RPH3A: variants seen among roughly 807,000 people sequenced by gnomAD.
The protein encoded by RPH3A is rabphilin-3A.
In RPH3A, 48 loss-of-function variants were observed where a neutral mutation model predicts 102.2. That is an observed-to-expected ratio of 0.47 (90% CI 0.37 to 0.60). The LOEUF is 0.60. RPH3A is among the 20% of genes least tolerant of loss of function. The probability of loss-of-function intolerance (pLI) is 0.00; values close to 1 mark genes in which losing one functional copy is unlikely to be tolerated. For missense variants in RPH3A, 781 were observed against 910.1 expected (o/e 0.86, Z 1.83); for synonymous variants, 310 against 324.3 (o/e 0.96, Z 0.47).
chr12:112,781,303 G>A (rs771517017), intron 1 of RPH3A, among the ~76,000 whole-genome samples: 12 of 152,174 alleles, frequency 7.9e-5, no homozygotes, highest in Admixed American at 3.9e-4. Flanking sequence ...GTGTCCCTTG[G>A]GATTTTCTCT....
At chr12:112,780,863 A>G (rs1048709360) in intron 1 of RPH3A, among the ~76,000 whole-genome samples, 1 of 152,190 alleles carries the variant, frequency 6.6e-6, no homozygotes, top group Admixed American at 6.5e-5. Context: ...CTATGAAATT[A>G]TCCTCTGGTA....
chr12:112,823,089 G>A (rs2041808185), intron 2 of RPH3A, among the ~76,000 whole-genome samples: 1 of 152,244 alleles, frequency 6.6e-6, no homozygotes, highest in South Asian at 2.1e-4. Context: ...ATCTCTCAGT[G>A]TAGCCTGGGA....
chr12:112,657,940 G>A (rs1264512079), intron 1 of RPH3A, among the ~76,000 whole-genome samples: 1 of 152,050 alleles, frequency 6.6e-6, no homozygotes, highest in Non-Finnish European at 1.5e-5. Context: ...CAGGCAGAGG[G>A]AACAGCCAGT....
At chr12:112,889,967 C>A (rs1008386783) in intron 17 of RPH3A, 57 bp from the exon 18 acceptor site, 21 of 1,514,936 alleles carry the variant, frequency 1.4e-5, no homozygotes, top group Admixed American at 1.7e-5. Context: ...GTCCTTCTTG[C>A]GCAGGAAGAT....
intron 1 of RPH3A, among the ~76,000 whole-genome samples, chr12:112,701,561 T>C (rs1246133775): frequency 6.6e-6 from 1 of 152,174 alleles, no homozygotes; most frequent in Non-Finnish European, 1.5e-5. Flanking sequence ...TCTGTGTCCC[T>C]GGAGGTATTT....
chr12:112,590,624 C>T lies in RPH3A; in HGVS notation c.-140+15305C>T, dbSNP rs550927808. 2.4e-4 allele frequency among the ~76,000 whole-genome samples: 36 copies of T among 152,256 alleles called. 1 individual carries two copies. The highest frequency in any genetic ancestry group is 7.9e-4 in the African/African-American group (33 of 41,532). ...GAGATGAAACAGAGCACCTTAGGAC[C>T]GCTGGATGAATTTGAATGGCAGTTA... On this transcript the variant is annotated intron_variant, in intron 1 of 21. Transcript: ENST00000543106.
At chr12:112,711,289 C>T (rs968087303) in intron 1 of RPH3A, among the ~76,000 whole-genome samples, 5 of 152,052 alleles carry the variant, frequency 3.3e-5, no homozygotes, top group African/African-American at 1.2e-4. Context: ...CCCAAACTGC[C>T]CTATATAAGC....
chr12:112,845,599 T>A (rs1003421633), intron 4 of RPH3A, among the ~76,000 whole-genome samples: 1 of 152,170 alleles, frequency 6.6e-6, no homozygotes, highest in Non-Finnish European at 1.5e-5. Flanking sequence ...CTGAGTAACC[T>A]CCATTGCTTC....
At chr12:112,608,566 C>T (rs967677480) in intron 1 of RPH3A, among the ~76,000 whole-genome samples, 2 of 152,142 alleles carry the variant, frequency 1.3e-5, no homozygotes, top group Admixed American at 6.6e-5. Flanking sequence ...TGCTTTTAAT[C>T]GAGATGTTGT....
chr12:112,829,442 A>C (rs7311026), intron 3 of RPH3A, among the ~76,000 whole-genome samples: 30,710 of 151,328 alleles, frequency 0.2, 3,536 homozygotes, highest in African/African-American at 0.31. Flanking sequence ...GGCTAACTTT[A>C]ATTTCTTTTT....
chr12:112,891,112 G>A (rs1752783092), intron 19 of RPH3A, 109 bp downstream of exon 19: 2 of 1,320,744 alleles, frequency 1.5e-6, no homozygotes, highest in East Asian at 2.4e-5. Flanking sequence ...GACCCAGAGA[G>A]GGCAAGGAAC....
chr12:112,656,908 A>G (rs2040017026), intron 1 of RPH3A, among the ~76,000 whole-genome samples: 1 of 152,060 alleles, frequency 6.6e-6, no homozygotes, highest in Non-Finnish European at 1.5e-5. Flanking sequence ...GATGTGATAA[A>G]CATATGAGTG....
intron 1 of RPH3A, among the ~76,000 whole-genome samples, chr12:112,748,853 A>G (rs977820165): frequency 6.6e-6 from 1 of 152,092 alleles, no homozygotes; most frequent in Non-Finnish European, 1.5e-5. Context: ...GGGAGATGAC[A>G]TGTTTTGTTT....
In RPH3A at chr12:112,813,844, TG is replaced by T. The variant is rs145723735; in HGVS notation, c.-18-14456del. ...CTTAGCTGGGGGTTGAACACAGGTC[TG>T]TGTAACTCTAAAGCCTGGGCTGTTG... On this transcript the variant is annotated intron_variant, in intron 2 of 21. Transcript: ENST00000389385. 9.2e-3 allele frequency among the ~76,000 whole-genome samples: 1,407 copies of T among 152,348 alleles called. 19 individuals are homozygous for T. The highest frequency in any genetic ancestry group is 0.032 in the African/African-American group (1,336 of 41,566).
At chr12:112,894,703 T>A in intron 20 of RPH3A, 44 bp downstream of exon 20, 1 of 1,571,244 alleles carries the variant, frequency 6.4e-7, no homozygotes, top group Non-Finnish European at 8.7e-7. Flanking sequence ...ATATTTGCTG[T>A]GTGTTAGAGA....
chr12:112,751,170 A>G lies in RPH3A; in HGVS notation c.-139-40973A>G, dbSNP rs181228839. Among the ~76,000 whole-genome samples, 518 of 152,250 alleles carry G rather than the reference A, an allele frequency of 3.4e-3. 2 individuals carry two copies. Among genetic ancestry groups the G allele is most frequent in the African/African-American group, 0.012 (489 of 41,536 alleles). On this transcript the variant is annotated intron_variant, in intron 1 of 21. Transcript: ENST00000543106. ...AGTTTTCTGTTCCTTGTAACTGCAT[A>G]CTCACTACATGATTCACACACACAT...
At chr12:112,896,587 C>T in intron 21 of RPH3A, 63 bp from the exon 22 acceptor site, 1 of 1,593,110 alleles carries the variant, frequency 6.3e-7, no homozygotes, top group Non-Finnish European at 8.6e-7. Context: ...CCCAACTACA[C>T]ATTTGGGTCT....
chr12:112,776,163 A>G (rs1407503865), intron 1 of RPH3A, among the ~76,000 whole-genome samples: 2 of 152,170 alleles, frequency 1.3e-5, no homozygotes, highest in Non-Finnish European at 2.9e-5. Context: ...TCATTCATTT[A>G]CTCATTTAAC....
chr12:112,847,870 C>A, intron 5 of RPH3A, 28 bp downstream of exon 5: 2 of 1,609,886 alleles, frequency 1.2e-6, no homozygotes, highest in East Asian at 4.5e-5. Flanking sequence ...CCATTCACCC[C>A]AGAGCTGCTG....
Sources: gnomAD v4.1 joint callset for allele counts (sites outside exome capture counted in the v4.1 genomes callset) on GRCh38, gnomAD v4.1.1 for gene constraint, MANE v1.5 for transcripts, NCBI Gene and HGNC (gene_info 2026-07-23, HGNC 2026-07-21) for gene names.